FNBP4: variants seen among roughly 807,000 people sequenced by gnomAD.
The protein encoded by FNBP4 is formin binding protein 4.
Under a neutral mutation model 119.3 loss-of-function variants are expected in FNBP4, and 34 were observed. That is an observed-to-expected ratio of 0.28 (90% CI 0.22 to 0.38). The LOEUF (loss-of-function observed/expected upper bound fraction) is 0.38, where lower values mean the gene tolerates loss of function less well. Ranked by LOEUF, FNBP4 falls within the 10% of genes least tolerant of loss-of-function variation. FNBP4 has a pLI of 1.00. For missense variants in FNBP4, 1,112 were observed against 1,228.9 expected (o/e 0.90, Z 1.42); for synonymous variants, 462 against 430.6 (o/e 1.07, Z -0.90).
chr11:47,754,617 T>G lies in FNBP4; in HGVS notation c.361A>C (p.Asn121His), dbSNP rs1372004620. 1.4e-5 allele frequency: 22 copies of G among 1,614,082 alleles called. No individual in the cohort carries two copies. The highest frequency in any genetic ancestry group is 2.2e-5 in the East Asian group (1 of 44,884). ...TGTGCTAGTTTTTCGGAAACATCAT[T>G]GTCATCGTCATCACTGTCAGCATAA... The part of the protein sequence containing the change: ...GAYADSDDDD[N>H]DVSEKLAQSK... Residue 121 changes from asparagine to histidine, a missense_variant, in exon 3 of 17, where the codon AAT becomes CAT. Asn to His is a moderately conservative substitution (Grantham distance 68, BLOSUM62 1). Coordinates refer to ENST00000263773, the MANE Select transcript of FNBP4 (RefSeq NM_015308.5).
chr11:47,719,990 CTTCACTGGAACTAGA>C lies in FNBP4; in HGVS notation c.2887_2901del (p.Ser963_Glu967del), dbSNP rs773032806. On this transcript the variant is annotated inframe_deletion, in exon 16 of 17. Coordinates refer to ENST00000263773, the MANE Select transcript of FNBP4 (RefSeq NM_015308.5). ...TTCTGTGCAGTTGATTCCCGATCCTCTTCACTGGAACTAGAATTGTCCTCTTCATCTAACTCACGC... is the reference window on the plus strand; with the variant it reads ...TTCTGTGCAGTTGATTCCCGATCCTCATTGTCCTCTTCATCTAACTCACGC... 6.2e-7 allele frequency: 1 copy of C among 1,614,082 alleles called. No homozygotes were observed. Among genetic ancestry groups the C allele is most frequent in the East Asian group, 2.2e-5 (1 of 44,870 alleles).
chr11:47,765,374 A>AAAAAGAAAAG lies in FNBP4; in HGVS notation c.221-22_221-13dup, dbSNP rs3842251. On this transcript the variant is annotated splice_polypyrimidine_tract_variant and intron_variant, in intron 1 of 16. Coordinates refer to ENST00000263773, the MANE Select transcript of FNBP4 (RefSeq NM_015308.5). ...CGCTTCCTGTTCATCTGGATTAAAA[A>AAAAAGAAAAG]AAAAGAAAAGAAAAGAAAAGAAAAG... The AAAAAGAAAAG allele has an allele frequency of 0.16, 163,467 of 1,030,898 alleles. 16,864 individuals are homozygous for AAAAAGAAAAG. Among genetic ancestry groups the AAAAAGAAAAG allele is most frequent in the Admixed American group, 0.28 (12,013 of 42,806 alleles). The allele number at this position is 1,030,898 out of a possible 1,614,324, so 63.9% of individuals were successfully genotyped here.
At position 47,723,033 on chromosome 11, in the gene FNBP4, T is replaced by C. The variant is rs953161448; in HGVS notation, c.2748A>G (p.Pro916=). 2 of 1,574,610 alleles carry C rather than the reference T, an allele frequency of 1.3e-6. No homozygotes were observed. The highest frequency in any genetic ancestry group is 1.7e-6 in the Non-Finnish European group (2 of 1,159,600). ...PPPPPPPPPP[P]PPAPKMPPPE... is the part of the protein sequence containing the mutation. The stretch of plus-strand genomic sequence containing the variant: ...GTGGTGGCATTTTGGGAGCTGGTGG[T>C]GGTGGAGGAGGAGGAGGAGGAGGTG... The change falls in exon 15 of 17, where the codon CCA becomes CCG. Residue 916 remains proline, a synonymous_variant. Coordinates refer to ENST00000263773, the MANE Select transcript of FNBP4 (RefSeq NM_015308.5).
rs1565121647 is a variant in FNBP4, at chr11:47,724,333, C to T, written c.2319+135G>A. On this transcript the variant is annotated intron_variant, in intron 13 of 16. Transcript: ENST00000263773. ...CTGGGCTTAAGCAATCCTCCTGCTT[C>T]GACCTCCCAAAGGTCTAGGATATAG... is the stretch of plus-strand genomic sequence containing the variant. The T allele has an allele frequency of 6.5e-6, 10 of 1,531,168 alleles. No homozygotes were observed. In the East Asian group the frequency reaches 6.8e-5, roughly 10 times the overall value. The allele number at this position is 1,531,168 out of a possible 1,614,324, so 94.8% of individuals were successfully genotyped here. A position where few individuals can be genotyped will look rare whatever the true frequency, so the allele number is the denominator to read the frequency against.
rs142748944 is a variant in FNBP4 at position 47,760,330 on chromosome 11, C to T, written c.313+4940G>A. ...AGGGTGAAATGTAATCACATGATCT[C>T]GGCTCACTGCAGCCTCTGTTTCCTG... On this transcript the variant is annotated intron_variant, in intron 2 of 16. Coordinates refer to ENST00000263773, the MANE Select transcript of FNBP4 (RefSeq NM_015308.5). 2.8e-3 allele frequency among the ~76,000 whole-genome samples: 419 copies of T among 148,444 alleles called. 3 individuals are homozygous for T. The highest frequency in any genetic ancestry group is 4.2e-3 in the Admixed American group (62 of 14,680).
intron 11 of FNBP4, chr11:47,731,915 G>C: frequency 9.9e-7 from 1 of 1,011,198 alleles, no homozygotes; most frequent in Non-Finnish European, 1.2e-6. Flanking sequence ...CCCTTCCAAA[G>C]AAGAGAACAA....
intron 1 of FNBP4, among the ~76,000 whole-genome samples, chr11:47,765,981 C>T (rs927096886): frequency 2.0e-5 from 3 of 151,338 alleles, no homozygotes; most frequent in African/African-American, 7.3e-5. Flanking sequence ...TCACCGTGCC[C>T]TGGAGTCTTT....
intron 12 of FNBP4, among the ~76,000 whole-genome samples, chr11:47,730,921 T>C (rs1308519848): frequency 6.6e-6 from 1 of 152,242 alleles, no homozygotes; most frequent in Non-Finnish European, 1.5e-5. Flanking sequence ...TCATATCATT[T>C]TGATTTGTAC....
intron 8 of FNBP4, among the ~76,000 whole-genome samples, chr11:47,742,861 G>T (rs1489438922): frequency 6.6e-6 from 1 of 152,088 alleles, no homozygotes; most frequent in African/African-American, 2.4e-5. Flanking sequence ...TTGCACTCCA[G>T]CCTGGGCAAC....
At chr11:47,739,022 G>T (rs1304886849) in intron 8 of FNBP4, among the ~76,000 whole-genome samples, 1 of 150,480 alleles carries the variant, frequency 6.6e-6, no homozygotes, top group African/African-American at 2.4e-5. Flanking sequence ...TTTGAGGCAC[G>T]GTCTTACTCT....
rs567693665 is a variant in FNBP4, at chr11:47,720,476, G to A, written c.2806-390C>T. On this transcript the variant is annotated intron_variant, in intron 15 of 16. Transcript: ENST00000263773. ...TCAGCTACTCGGAAGGTTGAGATAG[G>A]AGAATGGCATGAACCTGGGAGGCGG... 1.4e-4 allele frequency among the ~76,000 whole-genome samples: 21 copies of A among 152,186 alleles called. No homozygotes were observed. The East Asian group carries it at 3.7e-3, about 27-fold the overall frequency.
intron 15 of FNBP4, among the ~76,000 whole-genome samples, chr11:47,721,921 A>AC (rs1169689485): frequency 6.7e-6 from 1 of 148,266 alleles, no homozygotes; most frequent in Non-Finnish European, 1.5e-5. Context: ...TGATTAAAAA[A>AC]AAAAAAAAAG....
At chr11:47,727,662 C>T (rs2097562717) in intron 12 of FNBP4, among the ~76,000 whole-genome samples, 1 of 152,300 alleles carries the variant, frequency 6.6e-6, no homozygotes, top group East Asian at 1.9e-4. Context: ...AAAAATACTC[C>T]AATCTCCAAC....
intron 4 of FNBP4, among the ~76,000 whole-genome samples, chr11:47,751,661 AAAAC>A (rs935845302): frequency 2.0e-5 from 3 of 152,190 alleles, no homozygotes; most frequent in African/African-American, 7.2e-5. Context: ...TTTTTAAAAA[AAAAC>A]AGTTTGGCCG....
chr11:47,750,150 AG>A (rs1175035525), intron 6 of FNBP4, among the ~76,000 whole-genome samples: 3 of 151,954 alleles, frequency 2.0e-5, no homozygotes, highest in Non-Finnish European at 4.4e-5. Flanking sequence ...AGGCTGAGGC[AG>A]GTAGATCACC....
intron 15 of FNBP4, among the ~76,000 whole-genome samples, chr11:47,722,520 T>C (rs887596281): frequency 1.3e-5 from 2 of 152,112 alleles, no homozygotes; most frequent in African/African-American, 2.4e-5. Flanking sequence ...CTGATTCTCC[T>C]CCCAGCACTT....
At chr11:47,722,563 C>A (rs2097557050) in intron 15 of FNBP4, among the ~76,000 whole-genome samples, 1 of 151,938 alleles carries the variant, frequency 6.6e-6, no homozygotes, top group Admixed American at 6.6e-5. Context: ...AAGGTCCCCC[C>A]ACTGAGAAAG....
At chr11:47,757,206 T>C (rs2097620939) in intron 2 of FNBP4, among the ~76,000 whole-genome samples, 4 of 152,106 alleles carry the variant, frequency 2.6e-5, no homozygotes, top group African/African-American at 9.7e-5. Context: ...TTCCAGCATA[T>C]GTAGGTAAGT....
intron 16 of FNBP4, among the ~76,000 whole-genome samples, chr11:47,718,979 C>T (rs1206179656): frequency 6.8e-6 from 1 of 147,926 alleles, no homozygotes; most frequent in African/African-American, 2.5e-5. Flanking sequence ...GGTCTTGGCT[C>T]ACTGCAACCT....
Sources: allele counts gnomAD v4.1 joint callset (sites outside exome capture counted in the v4.1 genomes callset), GRCh38; gene constraint gnomAD v4.1.1; transcripts MANE v1.5; gene names NCBI Gene and HGNC (gene_info 2026-07-23, HGNC 2026-07-21).